OTC: variants seen among roughly 807,000 people sequenced by gnomAD.
The protein encoded by OTC is ornithine transcarbamylase, also known as ornithine transcarbamylase, mitochondrial.
Under a neutral mutation model 30.3 loss-of-function variants are expected in OTC, and 3 were observed. The observed-to-expected ratio is 0.10, with a 90% CI of 0.05 to 0.26. The LOEUF (loss-of-function observed/expected upper bound fraction) is 0.26. OTC is among the 10% of genes least tolerant of loss of function. The pLI, the probability that OTC is intolerant of heterozygous loss-of-function variation, is 1.00. For missense variants in OTC, 194 were observed against 260.3 expected (o/e 0.75, Z 1.75); for synonymous variants, 111 against 99.7 (o/e 1.11, Z -0.67).
chrX:38,378,331 C>A (rs2068359171), intron 3 of OTC, among the ~76,000 whole-genome samples: 1 of 105,893 alleles, frequency 9.4e-6, no homozygotes, highest in Non-Finnish European at 1.9e-5. Context: ...ATTTCCTATT[C>A]TCCTTCCCTG....
the OTC span, among the ~76,000 whole-genome samples, chrX:38,331,933 C>A: frequency 9.0e-6 from 1 of 110,627 alleles, no homozygotes; most frequent in African/African-American, 3.3e-5. Flanking sequence ...ATATCGCAAC[C>A]CCAGGCCACG....
intron 1 of OTC, among the ~76,000 whole-genome samples, chrX:38,353,455 G>A (rs2068227546): frequency 9.0e-6 from 1 of 111,646 alleles, no homozygotes; most frequent in African/African-American, 3.3e-5. Context: ...AGGCCATCAG[G>A]TGGAGACATC....
chrX:38,374,942 G>T (rs140822861), intron 3 of OTC, among the ~76,000 whole-genome samples: 2,560 of 112,292 alleles, frequency 0.023, 76 homozygotes, highest in African/African-American at 0.079. Context: ...TCATTACGTT[G>T]CTTCATAGAT....
chrX:38,413,668 T>TG lies in OTC; in HGVS notation c.1005+1669_1005+1670insG, dbSNP rs1276559329. Among the ~76,000 whole-genome samples the TG allele has an allele frequency of 3.8e-5, 4 of 106,366 alleles. No homozygotes were observed. In the East Asian group the frequency reaches 1.2e-3, roughly 32 times the overall value. 92.4% of individuals were successfully genotyped at this position (106,366 alleles called of 115,157 possible). A position where few individuals can be genotyped will look rare whatever the true frequency, so the allele number is the denominator to read the frequency against. ...GAGCTTGAGATTTGGCACATCTATTTTTTTTTTTTGTTTTTTTTTGAGATA... is the reference window on the plus strand; with the variant it reads ...GAGCTTGAGATTTGGCACATCTATTTGTTTTTTTTTGTTTTTTTTTGAGATA... On this transcript the variant is annotated intron_variant, in intron 9 of 9. Coordinates refer to ENST00000039007, the MANE Select transcript of OTC (RefSeq NM_000531.6).
intron 4 of OTC, among the ~76,000 whole-genome samples, chrX:38,399,181 A>G (rs1380724643): frequency 1.8e-5 from 2 of 111,041 alleles, no homozygotes; most frequent in Non-Finnish European, 3.8e-5. Flanking sequence ...TTTAATATGC[A>G]AATGAATCAC....
At chrX:38,371,003 CA>C (rs1426016661) in intron 3 of OTC, among the ~76,000 whole-genome samples, 1 of 111,612 alleles carries the variant, frequency 9.0e-6, no homozygotes, top group Non-Finnish European at 1.9e-5. Flanking sequence ...GTCTTAAAAG[CA>C]AGACAGGTTG....
intron 1 of OTC, among the ~76,000 whole-genome samples, chrX:38,364,661 A>C (rs895138143): frequency 1.8e-5 from 2 of 110,053 alleles, no homozygotes; most frequent in African/African-American, 6.6e-5. Flanking sequence ...GTGTGGTGGC[A>C]GGTGCCTGTA....
intron 5 of OTC, 135 bp downstream of exon 5, chrX:38,401,563 T>C (rs1456026295): frequency 3.7e-6 from 2 of 536,930 alleles, no homozygotes; most frequent in Admixed American, 2.7e-5. Flanking sequence ...TTACAGCTTG[T>C]GTGTGCATTT....
intron 3 of OTC, among the ~76,000 whole-genome samples, chrX:38,378,480 G>A (rs888755827): frequency 7.3e-5 from 8 of 109,934 alleles, no homozygotes; most frequent in Non-Finnish European, 1.1e-4. Flanking sequence ...ATGATAAAGG[G>A]GCCAATTCAG....
At chrX:38,398,532 T>C (rs190841837) in intron 4 of OTC, among the ~76,000 whole-genome samples, 60 of 111,553 alleles carry the variant, frequency 5.4e-4, no homozygotes, top group African/African-American at 1.9e-3. Flanking sequence ...CTGTACACAC[T>C]TTAGGGAGTG....
intron 8 of OTC, among the ~76,000 whole-genome samples, chrX:38,410,449 T>C (rs185802192): frequency 8.9e-6 from 1 of 112,456 alleles, no homozygotes; most frequent in East Asian, 2.8e-4. Context: ...TTTACATTTT[T>C]AATTTTTCTA....
At chrX:38,379,899 G>T (rs1022795592) in intron 3 of OTC, among the ~76,000 whole-genome samples, 1 of 111,727 alleles carries the variant, frequency 9.0e-6, no homozygotes, top group African/African-American at 3.3e-5. Context: ...ACTTTTTATA[G>T]TGAAACTTTC....
At chrX:38,403,001 G>C (rs2068496863) in intron 5 of OTC, among the ~76,000 whole-genome samples, 1 of 110,598 alleles carries the variant, frequency 9.0e-6, no homozygotes, top group Admixed American at 9.7e-5. Context: ...TAGTAGACAT[G>C]GGGTTTCATC....
chrX:38,369,659 C>G, intron 2 of OTC, 137 bp from the exon 3 acceptor site: 1 of 308,852 alleles, frequency 3.2e-6, no homozygotes, highest in African/African-American at 2.8e-5. Context: ...CACACCTGGC[C>G]TAAATTCACT....
intron 1 of OTC, 84 bp downstream of exon 1, chrX:38,352,857 CAGAATGT>C: frequency 2.9e-6 from 2 of 682,143 alleles, no homozygotes; most frequent in Non-Finnish European, 4.8e-6. Flanking sequence ...CCTCTTTCTG[CAGAATGT>C]AGTGCCACGC....
the OTC span, among the ~76,000 whole-genome samples, chrX:38,334,005 G>A: frequency 8.9e-6 from 1 of 112,316 alleles, no homozygotes; most frequent in African/African-American, 3.2e-5. Context: ...ACAGTCTACT[G>A]CACATTTTAT....
In OTC at chrX:38,418,870, A is replaced by G. The variant is rs186813307; in HGVS notation, c.1006-2153A>G. Among the ~76,000 whole-genome samples, 339 of 111,925 alleles carry G rather than the reference A, an allele frequency of 3.0e-3. 4 individuals are homozygous for G. The highest frequency in any genetic ancestry group is 0.01 in the African/African-American group (317 of 30,801). On this transcript the variant is annotated intron_variant, in intron 9 of 9. Transcript: ENST00000039007. ...GAGTCCATTAAACCTCTTTTTCTTT[A>G]TAAATTTCCCAGTCTCGGGTATGTC...
intron 3 of OTC, 102 bp downstream of exon 3, chrX:38,369,979 C>A: frequency 1.1e-5 from 6 of 523,527 alleles, no homozygotes; most frequent in Admixed American, 1.1e-4. Context: ...CTCTAGCAAC[C>A]ACAAAGAAAA....
At chrX:38,328,332 G>C in the OTC span, among the ~76,000 whole-genome samples, 1 of 112,492 alleles carries the variant, frequency 8.9e-6, no homozygotes, top group East Asian at 2.8e-4. Flanking sequence ...TTCTCAGGAA[G>C]TTTGCATTAA....
Sources: gnomAD v4.1 joint callset for allele counts (sites outside exome capture counted in the v4.1 genomes callset) on GRCh38, gnomAD v4.1.1 for gene constraint, MANE v1.5 for transcripts, NCBI Gene and HGNC (gene_info 2026-07-23, HGNC 2026-07-21) for gene names.